Variants in UBD observed in about 807,000 individuals in gnomAD.
UBD encodes the protein ubiquitin like modifier D.
A neutral mutation model predicts 2.3 loss-of-function variants in UBD; 1 was observed. The observed-to-expected ratio is 0.43, with a 90% CI of 0.15 to 2.06. The LOEUF (loss-of-function observed/expected upper bound fraction) is 2.06. Among genes scored for constraint, UBD ranks in the 30% most tolerant of loss-of-function variants. The probability of loss-of-function intolerance (pLI) is 0.29; values close to 1 mark genes in which losing one functional copy is unlikely to be tolerated. For missense variants in UBD, 175 were observed against 199.3 expected (o/e 0.88, Z 0.73); for synonymous variants, 75 against 76.5 (o/e 0.98, Z 0.10).
Position 29,556,197 on chromosome 6 carries a change from T to C in UBD, c.181A>G (p.Arg61Gly), listed in dbSNP as rs776477598. The C allele has an allele frequency of 6.2e-7, 1 of 1,613,080 alleles. No individual in the cohort carries two copies. The highest frequency in any genetic ancestry group is 1.3e-5 in the African/African-American group (1 of 75,054). Residue 61 changes from arginine (R) to glycine (G), a missense_variant, in exon 2 of 2, where the codon AGA (arginine) becomes GGA (glycine). Arg to Gly is a moderately radical substitution (Grantham distance 125). Transcript: ENST00000377050. ...TCAATGCCATAAGATGAGAGGCTTC[T>C]CCGTGGCTTTAAGATCTTGGAGCCC... ...LLGSKILKPRRSLSSYGIDKE... is the reference protein window; with the variant it reads ...LLGSKILKPRGSLSSYGIDKE...
chr6:29,556,431 C>T, intron 1 of UBD, 81 bp from the exon 2 acceptor site: 3 of 989,548 alleles, frequency 3.0e-6, no homozygotes, highest in African/African-American at 1.6e-5. Flanking sequence ...ATGGCTCCCC[C>T]TCTTCCACTA....
At position 29,555,663 on chromosome 6, in the gene UBD, A is replaced by G. The variant is rs556966261; in HGVS notation, c.*217T>C. 8.8e-6 allele frequency: 5 copies of G among 567,284 alleles called. No homozygotes were observed. The African/African-American group carries it at 9.3e-5, about 11-fold the overall frequency. The allele number at this position is 567,284 out of a possible 1,614,324, so 35.1% of individuals were successfully genotyped here. A position where few individuals can be genotyped will look rare whatever the true frequency, so the allele number is the denominator to read the frequency against. On this transcript the variant is annotated 3_prime_UTR_variant, in exon 2 of 2. Coordinates refer to ENST00000377050, the MANE Select transcript of UBD (RefSeq NM_006398.4). ...AAAAATTTATTTACTAGTCTCAGTA[A>G]TACATTAGTAAAAATCATGTCACTT...
chr6:29,556,256 G>T lies in UBD; in HGVS notation c.122C>A (p.Thr41Asn). Residue 41 changes from threonine (T) to asparagine (N), a missense_variant, in exon 2 of 2, where the codon ACC becomes AAC. Coordinates refer to ENST00000377050, the MANE Select transcript of UBD (RefSeq NM_006398.4). ...AACCTGGTCCTGCACAGGAACCTTGGTCTTAGACCGGACATGTTCTTTGAT... is the reference window on the plus strand; with the variant it reads ...AACCTGGTCCTGCACAGGAACCTTGTTCTTAGACCGGACATGTTCTTTGAT... ...KKIKEHVRSK[T>N]KVPVQDQVLL... 2 of 1,613,064 alleles carry T rather than the reference G, an allele frequency of 1.2e-6. No homozygotes were observed. The highest frequency in any genetic ancestry group is 1.7e-6 in the Non-Finnish European group (2 of 1,180,020).
rs1762503791 is a variant in UBD at position 29,556,145 on chromosome 6, A to C, written c.233T>G (p.Leu78Arg). The C allele has an allele frequency of 6.2e-7, 1 of 1,613,066 alleles. No individual in the cohort carries two copies. The highest frequency in any genetic ancestry group is 1.1e-5 in the South Asian group (1 of 91,074). ...IDKEKTIHLT[L>R]KVVKPSDEEL... ...CTCATCACTGGGCTTCACCACTTTC[A>C]GGGTAAGGTGGATGGTCTTCTCTTT... The change falls in exon 2 of 2, where the codon CTG (leucine) becomes CGG (arginine). Residue 78 changes from leucine (L) to arginine (R), a missense_variant. Leu to Arg is a moderately radical substitution (Grantham distance 102). Transcript: ENST00000377050.
intron 1 of UBD, among the ~76,000 whole-genome samples, chr6:29,559,301 GT>G (rs2127311350): frequency 6.6e-6 from 1 of 152,284 alleles, no homozygotes; most frequent in South Asian, 2.1e-4. Context: ...AGATGAATGA[GT>G]TTTGTGAAGC....
intron 1 of UBD, chr6:29,556,626 C>G (rs1762538473): frequency 2.2e-6 from 1 of 452,698 alleles, no homozygotes; most frequent in Non-Finnish European, 3.9e-6. Flanking sequence ...TGAACGGACG[C>G]TCTTTTGCTC....
In UBD at chr6:29,558,468, C is replaced by T. The variant is rs761260371; in HGVS notation, c.27+1207G>A. Among the ~76,000 whole-genome samples, 6 of 152,336 alleles carry T rather than the reference C, an allele frequency of 3.9e-5. No individual in the cohort carries two copies. In the East Asian group the frequency reaches 7.7e-4, roughly 20 times the overall value. On this transcript the variant is annotated intron_variant, in intron 1 of 1. Transcript: ENST00000377050. ...TAAACACAGGCATTCGAGCCAGCAACGCTACCCTCTTTGGGTCCCCTCCCT... is the reference window on the plus strand; with the variant it reads ...TAAACACAGGCATTCGAGCCAGCAATGCTACCCTCTTTGGGTCCCCTCCCT...
chr6:29,557,442 T>G (rs1396750118), intron 1 of UBD: 2 of 152,242 alleles, frequency 1.3e-5, no homozygotes, highest in African/African-American at 4.8e-5. Flanking sequence ...TGCCTTTGTG[T>G]CCCTGCTTCA....
chr6:29,558,332 C>A (rs1000923103), intron 1 of UBD, among the ~76,000 whole-genome samples: 8 of 152,148 alleles, frequency 5.3e-5, no homozygotes, highest in Non-Finnish European at 1.0e-4. Context: ...CCTGACCAAT[C>A]AGGTAGTAAA....
Position 29,556,233 on chromosome 6 carries a change from C to A in UBD, c.145G>T (p.Val49Phe), listed in dbSNP as rs751936798. The A allele has an allele frequency of 1.9e-6, 3 of 1,613,076 alleles. No homozygotes were observed. Among genetic ancestry groups the A allele is most frequent in the Non-Finnish European group, 2.5e-6 (3 of 1,180,018 alleles). ...SKTKVPVQDQ[V>F]LLLGSKILKP... ...AAGATCTTGGAGCCCAGCAAAAGAA[C>A]CTGGTCCTGCACAGGAACCTTGGTC... is the stretch of plus-strand genomic sequence containing the variant. The change falls in exon 2 of 2, where the codon GTT (valine) becomes TTT (phenylalanine). Residue 49 changes from valine to phenylalanine, a missense_variant. Physicochemically the swap from Val to Phe is conservative, Grantham distance 50 (BLOSUM62 -1). Coordinates refer to ENST00000377050, the MANE Select transcript of UBD (RefSeq NM_006398.4).
rs1447787342 is a variant in UBD, at chr6:29,555,521, C to T, written c.*359G>A. 4.2e-6 allele frequency: 1 copy of T among 237,890 alleles called. No homozygotes were observed. The highest frequency in any genetic ancestry group is 8.1e-6 in the Non-Finnish European group (1 of 124,204). 14.7% of individuals were successfully genotyped at this position (237,890 alleles called of 1,614,324 possible). On this transcript the variant is annotated 3_prime_UTR_variant, in exon 2 of 2. Transcript: ENST00000377050. ...ACAGAAATCAGTAGAACATGGATCC[C>T]AACCTAAAACTTACTCTCTTGTCAT...
chr6:29,558,152 C>A (rs1192936047), intron 1 of UBD, among the ~76,000 whole-genome samples: 5 of 152,146 alleles, frequency 3.3e-5, no homozygotes, highest in Non-Finnish European at 7.4e-5. Flanking sequence ...CACATACTAC[C>A]GTGACACTAT....
intron 1 of UBD, among the ~76,000 whole-genome samples, chr6:29,558,976 A>AC (rs1159866784): frequency 6.6e-6 from 1 of 152,068 alleles, no homozygotes; most frequent in Non-Finnish European, 1.5e-5. Flanking sequence ...GGGAGCAAAG[A>AC]CCCCCTGGTA....
chr6:29,559,240 A>G (rs533095809), intron 1 of UBD, among the ~76,000 whole-genome samples: 3 of 152,358 alleles, frequency 2.0e-5, no homozygotes, highest in South Asian at 2.1e-4. Context: ...GGTTCTCTCC[A>G]TAGTGCATAT....
intron 1 of UBD, 73 bp downstream of exon 1, chr6:29,559,602 G>A (rs757270994): frequency 3.1e-5 from 48 of 1,564,300 alleles, no homozygotes; most frequent in Middle Eastern, 1.7e-4. Flanking sequence ...CCCAGCCCCC[G>A]TTTCTAAGAT....
At chr6:29,557,186 A>G (rs1475716085) in intron 1 of UBD, 4 of 152,310 alleles carry the variant, frequency 2.6e-5, no homozygotes, top group African/African-American at 7.2e-5. Flanking sequence ...AGAATAAACT[A>G]TGTTCTGCCA....
intron 1 of UBD, 110 bp from the exon 2 acceptor site, chr6:29,556,460 T>C (rs923954000): frequency 8.2e-5 from 59 of 716,136 alleles, no homozygotes; most frequent in Middle Eastern, 2.5e-4. Context: ...GTCCTCTAGC[T>C]CCTATTCAGT....
At chr6:29,558,039 G>A (rs919364443) in intron 1 of UBD, among the ~76,000 whole-genome samples, 1 of 152,166 alleles carries the variant, frequency 6.6e-6, no homozygotes, top group African/African-American at 2.4e-5. Context: ...CATAGCCATA[G>A]GATACCCTCT....
chr6:29,556,269 C>T lies in UBD; in HGVS notation c.109G>A (p.Val37Ile), dbSNP rs770593017. The T allele has an allele frequency of 1.2e-6, 2 of 1,613,078 alleles. No individual in the cohort carries two copies. The highest frequency in any genetic ancestry group is 1.7e-6 in the Non-Finnish European group (2 of 1,180,038). The stretch of plus-strand genomic sequence containing the variant: ...ACAGGAACCTTGGTCTTAGACCGGA[C>T]ATGTTCTTTGATTTTTTTCACGCTG... ...YDSVKKIKEH[V>I]RSKTKVPVQD... is the part of the protein sequence containing the mutation. Residue 37 changes from valine (V) to isoleucine (I), a missense_variant, in exon 2 of 2, where the codon GTC becomes ATC. Transcript: ENST00000377050.
Sources: allele counts gnomAD v4.1 joint callset (sites outside exome capture counted in the v4.1 genomes callset), GRCh38; gene constraint gnomAD v4.1.1; transcripts MANE v1.5; gene names NCBI Gene and HGNC (gene_info 2026-07-23, HGNC 2026-07-21).